RP1L1: variants seen among roughly 807,000 people sequenced by gnomAD.
RP1L1 encodes retinitis pigmentosa 1-like 1 protein.
A neutral mutation model predicts 15.7 loss-of-function variants in RP1L1; 27 were observed. The ratio of observed to expected loss-of-function variants is 1.72; its 90% confidence interval spans 1.27 to 2.38. The LOEUF (loss-of-function observed/expected upper bound fraction) is 2.38, where lower values mean the gene tolerates loss of function less well. Among genes scored for constraint, RP1L1 ranks in the 30% most tolerant of loss-of-function variants. RP1L1 has a pLI of 0.00. For synonymous variants in RP1L1, 1,813 were observed against 1,276.7 expected (o/e 1.42, Z -8.96); for missense variants, 4,798 against 3,075.9 (o/e 1.56, Z -13.24).
intron 1 of RP1L1, among the ~76,000 whole-genome samples, chr8:10,644,762 T>A (rs947275610): frequency 1.3e-5 from 2 of 152,198 alleles, no homozygotes; most frequent in African/African-American, 4.8e-5. Context: ...CAGCCAGGGC[T>A]CGCCCTGCAG....
chr8:10,653,153 A>G (rs1334349672), intron 1 of RP1L1, among the ~76,000 whole-genome samples: 2 of 152,190 alleles, frequency 1.3e-5, no homozygotes, highest in Non-Finnish European at 2.9e-5. Flanking sequence ...ATTCAATGAC[A>G]CAGGTCTCTT....
chr8:10,639,503 G>A (rs1798378361), intron 1 of RP1L1, among the ~76,000 whole-genome samples: 1 of 152,132 alleles, frequency 6.6e-6, no homozygotes, highest in Admixed American at 6.5e-5. Flanking sequence ...CTCCTAAGTA[G>A]CTGGGACTAC....
In RP1L1 at chr8:10,620,853, G is replaced by C. The variant is rs145983278; in HGVS notation, c.609+1740C>G. 1.8e-3 allele frequency among the ~76,000 whole-genome samples: 276 copies of C among 152,296 alleles called. 2 individuals carry two copies. Among genetic ancestry groups the C allele is most frequent in the African/African-American group, 6.4e-3 (266 of 41,550 alleles). On this transcript the variant is annotated intron_variant, in intron 2 of 3. Transcript: ENST00000382483. Reference sequence around the variant, plus strand: ...TGTCCAGGGATAAACATGAACACAAGACCACGGCCCATGTAGTGAGGAACC... The same window carrying C: ...TGTCCAGGGATAAACATGAACACAACACCACGGCCCATGTAGTGAGGAACC...
intron 1 of RP1L1, among the ~76,000 whole-genome samples, chr8:10,624,596 G>T (rs993493908): frequency 6.6e-6 from 1 of 152,194 alleles, no homozygotes; most frequent in African/African-American, 2.4e-5. Flanking sequence ...TGACCAGCTG[G>T]GTGGTGTTGG....
In RP1L1 at chr8:10,607,071, T is replaced by A. The variant is rs925850287; in HGVS notation, c.7027A>T (p.Met2343Leu). 1.2e-6 allele frequency: 2 copies of A among 1,614,192 alleles called. No homozygotes were observed. Among genetic ancestry groups the A allele is most frequent in the South Asian group, 2.2e-5 (2 of 91,086 alleles). The stretch of plus-strand genomic sequence containing the variant: ...TCAGAAGTAGAACTTTCTGGGTACA[T>A]CCTGGTGGCCTTCCTCTCTGCATGA... ...TPHAERKATR[M>L]YPESSTSEQE... The change falls in exon 4 of 4, where the codon ATG becomes TTG. Residue 2343 changes from methionine to leucine, a missense_variant. By Grantham distance (15) the Met-to-Leu change is conservative (BLOSUM62 2). Transcript: ENST00000382483.
At chr8:10,631,263 GCACA>G (rs1342210819) in intron 1 of RP1L1, among the ~76,000 whole-genome samples, 5 of 140,148 alleles carry the variant, frequency 3.6e-5, no homozygotes, top group African/African-American at 5.5e-5. Context: ...GCACACACAC[GCACA>G]CAAACACGCA....
At chr8:10,629,895 C>T (rs1208877525) in intron 1 of RP1L1, among the ~76,000 whole-genome samples, 2 of 152,202 alleles carry the variant, frequency 1.3e-5, no homozygotes, top group Non-Finnish European at 2.9e-5. Flanking sequence ...AGTCTCTGTG[C>T]TCACCAAGAC....
intron 3 of RP1L1, among the ~76,000 whole-genome samples, chr8:10,613,708 C>T (rs547010859): frequency 2.6e-5 from 4 of 151,960 alleles, no homozygotes; most frequent in African/African-American, 9.7e-5. Flanking sequence ...GCAGGAGAAT[C>T]CCCTGAGTCC....
intron 2 of RP1L1, among the ~76,000 whole-genome samples, chr8:10,618,832 CTTTG>C (rs986339430): frequency 5.3e-5 from 8 of 152,118 alleles, no homozygotes; most frequent in African/African-American, 1.2e-4. Context: ...GCAGAGGTTT[CTTTG>C]TTTGTTTTGG....
At chr8:10,618,147 A>G (rs1219445359) in intron 2 of RP1L1, among the ~76,000 whole-genome samples, 1 of 152,214 alleles carries the variant, frequency 6.6e-6, no homozygotes, top group East Asian at 1.9e-4. Context: ...CCATGCAACT[A>G]GGAGCAAATT....
Position 10,609,785 on chromosome 8 carries a change from G to A in RP1L1, c.4313C>T (p.Ser1438Phe), listed in dbSNP as rs1171127384. The A allele has an allele frequency of 5.6e-6, 9 of 1,613,908 alleles. No homozygotes were observed. Among genetic ancestry groups the A allele is most frequent in the Non-Finnish European group, 7.6e-6 (9 of 1,180,030 alleles). Residue 1438 changes from serine to phenylalanine, a missense_variant, in exon 4 of 4, where the codon TCT becomes TTT. Transcript: ENST00000382483. ...QEEEAGRASA[S>F]AEPCPAEGTE... is the part of the protein sequence containing the mutation. Reference sequence around the variant, plus strand: ...GCCCTCTGCGGGGCACGGCTCTGCAGAGGCAGAGGCTCTTCCTGCTTCCTC... The same window carrying A: ...GCCCTCTGCGGGGCACGGCTCTGCAAAGGCAGAGGCTCTTCCTGCTTCCTC...
intron 1 of RP1L1, among the ~76,000 whole-genome samples, chr8:10,624,631 GC>G (rs1210092332): frequency 6.6e-6 from 1 of 151,294 alleles, no homozygotes. Context: ...AAGGTTGGAG[GC>G]TTTTTGCAAG....
chr8:10,616,417 A>G (rs1797965907), intron 3 of RP1L1, 29 bp downstream of exon 3: 1 of 1,614,038 alleles, frequency 6.2e-7, no homozygotes, highest in African/African-American at 1.3e-5. Flanking sequence ...AGTGCAAATC[A>G]GATGGGGGAA....
intron 1 of RP1L1, among the ~76,000 whole-genome samples, chr8:10,632,025 A>G (rs1798260616): frequency 1.3e-5 from 2 of 152,190 alleles, no homozygotes. Flanking sequence ...CGTGCTTCAC[A>G]CGGTGGGCAG....
At position 10,609,785 on chromosome 8, in the gene RP1L1, G is replaced by C; in HGVS notation, c.4313C>G (p.Ser1438Cys). The C allele has an allele frequency of 1.2e-6, 2 of 1,614,026 alleles. No individual in the cohort carries two copies. The highest frequency in any genetic ancestry group is 1.7e-5 in the Admixed American group (1 of 60,026). ...QEEEAGRASA[S>C]AEPCPAEGTE... is the part of the protein sequence containing the mutation. ...GCCCTCTGCGGGGCACGGCTCTGCAGAGGCAGAGGCTCTTCCTGCTTCCTC... is the reference window on the plus strand; with the variant it reads ...GCCCTCTGCGGGGCACGGCTCTGCACAGGCAGAGGCTCTTCCTGCTTCCTC... The change falls in exon 4 of 4, where the codon TCT becomes TGT. Residue 1438 changes from serine to cysteine, a missense_variant. Physicochemically the swap from Ser to Cys is moderately radical, Grantham distance 112 (BLOSUM62 -1). Coordinates refer to ENST00000382483, the MANE Select transcript of RP1L1 (RefSeq NM_178857.6).
At chr8:10,645,267 C>A (rs1274301760) in intron 1 of RP1L1, among the ~76,000 whole-genome samples, 1 of 152,128 alleles carries the variant, frequency 6.6e-6, no homozygotes, top group African/African-American at 2.4e-5. Flanking sequence ...ATTGAGGCTT[C>A]AGTGAGCTAT....
Position 10,610,116 on chromosome 8 carries a change from C to T in RP1L1, c.3982G>A (p.Glu1328Lys), listed in dbSNP as rs141046710. The T allele has an allele frequency of 0.051, 50,793 of 998,518 alleles. 3,059 individuals carry two copies. Among genetic ancestry groups the T allele is most frequent in the South Asian group, 0.067 (4,678 of 70,238 alleles). The allele number at this position is 998,518 out of a possible 1,614,324, so 61.9% of individuals were successfully genotyped here. The stretch of plus-strand genomic sequence containing the variant: ...ACCCCCTCTTCTTGCAGCCCTTCTT[C>T]TGTTTTAGTTTCCTCTAACTGCACC... ...EAVQLEETKT[E>K]EGLQEEGVQL... The change falls in exon 4 of 4, where the codon GAA becomes AAA. Residue 1328 changes from glutamate to lysine, a missense_variant. Coordinates refer to ENST00000382483, the MANE Select transcript of RP1L1 (RefSeq NM_178857.6).
Position 10,610,932 on chromosome 8 carries a change from C to T in RP1L1, c.3166G>A (p.Ala1056Thr). Residue 1056 changes from alanine (A) to threonine (T), a missense_variant, in exon 4 of 4, where the codon GCA (alanine) becomes ACA (threonine). Coordinates refer to ENST00000382483, the MANE Select transcript of RP1L1 (RefSeq NM_178857.6). ...AAPEGVSEAP[A>T]EAGADREAPA... ...GCCTCTCTGTCTGCTCCGGCCTCTG[C>T]AGGGGCCTCGGAAACTCCCTCTGGA... The T allele has an allele frequency of 6.2e-7, 1 of 1,611,366 alleles. No homozygotes were observed. The highest frequency in any genetic ancestry group is 8.5e-7 in the Non-Finnish European group (1 of 1,179,420).
intron 2 of RP1L1, 115 bp downstream of exon 2, chr8:10,622,478 G>C (rs924024703): frequency 2.3e-6 from 3 of 1,331,600 alleles, no homozygotes; most frequent in South Asian, 2.4e-5. Context: ...CCTTTAATTA[G>C]CAGCAGGGCA....
Sources: allele counts gnomAD v4.1 joint callset (sites outside exome capture counted in the v4.1 genomes callset), GRCh38; gene constraint gnomAD v4.1.1; transcripts MANE v1.5; gene names NCBI Gene and HGNC (gene_info 2026-07-23, HGNC 2026-07-21).